Variants in MTOR observed in about 807,000 individuals in gnomAD.
MTOR encodes serine/threonine-protein kinase mTOR.
Under a neutral mutation model 319.8 loss-of-function variants are expected in MTOR, and 70 were observed. The observed-to-expected ratio is 0.22, with a 90% confidence interval of 0.18 to 0.27. The LOEUF is 0.27. Among genes scored for constraint, MTOR ranks in the 10% least tolerant of loss-of-function variants. The pLI is 1.00. For synonymous variants in MTOR, 1,183 were observed against 1,211.4 expected (o/e 0.98, Z 0.49); for missense variants, 1,890 against 3,274.4 (o/e 0.58, Z 10.32).
chr1:11,168,196 T>C (rs1471880428), intron 28 of MTOR, among the ~76,000 whole-genome samples: 1 of 151,616 alleles, frequency 6.6e-6, no homozygotes, highest in Admixed American at 6.6e-5. Context: ...CACAATCATA[T>C]GAGACTCCTC....
At position 11,199,421 on chromosome 1, in the gene MTOR, C is replaced by A. The variant is rs2100744601; in HGVS notation, c.4108-18G>T. ...AGGGGGCCCTGGAGAAGAGCAAAAC[C>A]TCACAGCACAGGAAAATGGCAGATG... On this transcript the variant is annotated intron_variant, in intron 27 of 57. Transcript: ENST00000361445. The surrounding 1 kb of genome is among the most constrained non-coding windows in gnomAD (Gnocchi z 4.5). 1 of 1,614,146 alleles carries A rather than the reference C, an allele frequency of 6.2e-7. No individual in the cohort carries two copies. Among genetic ancestry groups the A allele is most frequent in the Non-Finnish European group, 8.5e-7 (1 of 1,180,022 alleles).
Position 11,243,352 on chromosome 1 carries a change from C to T in MTOR, c.1226-52G>A, listed in dbSNP as rs367849681. 5.9e-6 allele frequency: 9 copies of T among 1,534,398 alleles called. No homozygotes were observed. The East Asian group carries it at 1.1e-4, about 19-fold the overall frequency. On this transcript the variant is annotated intron_variant, in intron 8 of 57. Transcript: ENST00000361445. ...AGCTCCAGGTCAGGGTTAGGGTCTA[C>T]ATATCAACAGTCAAAGGTCCTATAA... is the stretch of plus-strand genomic sequence containing the variant.
intron 36 of MTOR, among the ~76,000 whole-genome samples, chr1:11,137,935 C>A (rs184089395): frequency 6.6e-6 from 1 of 152,322 alleles, no homozygotes; most frequent in East Asian, 1.9e-4. Flanking sequence ...ATTAAGTAGT[C>A]AGTTTTCCTT....
chr1:11,108,324 T>C (rs766674150), intron 56 of MTOR, 38 bp from the exon 57 acceptor site: 11 of 1,481,838 alleles, frequency 7.4e-6, no homozygotes, highest in Non-Finnish European at 9.4e-6. Context: ...ACTCTCTTCC[T>C]GGCAATCGAT....
At chr1:11,177,748 G>GTTAA (rs1645033781) in intron 28 of MTOR, among the ~76,000 whole-genome samples, 1 of 152,126 alleles carries the variant, frequency 6.6e-6, no homozygotes, top group Non-Finnish European at 1.5e-5. Context: ...AGGGTAGAAT[G>GTTAA]TTAACAGTTT....
At chr1:11,114,776 C>T (rs776375433) in intron 52 of MTOR, 37 bp downstream of exon 52, 5 of 1,593,696 alleles carry the variant, frequency 3.1e-6, no homozygotes, top group Non-Finnish European at 4.3e-6. Flanking sequence ...CTGTCCTGAT[C>T]CCATTTGGAA....
At position 11,129,752 on chromosome 1, in the gene MTOR, G is replaced by C. The variant is rs1643023112; in HGVS notation, c.5700C>G (p.Leu1900=). The change falls in exon 40 of 58, where the codon CTC becomes CTG. Residue 1900 remains leucine, a synonymous_variant. Coordinates refer to ENST00000361445, the MANE Select transcript of MTOR (RefSeq NM_004958.4). This position sits in a 1 kb window ranked among gnomAD's most constrained non-coding sequence, Gnocchi z 4.7. ...TTCTCTGATACCTGAGTGTATCCTG[G>C]AGGTTGTTGCCTCGTGACAAGGAGA... ...RSISLSRGNN[L]QDTLRVLTLW... 1 of 1,613,988 alleles carries C rather than the reference G, an allele frequency of 6.2e-7. No individual in the cohort carries two copies. Among genetic ancestry groups the C allele is most frequent in the South Asian group, 1.1e-5 (1 of 91,078 alleles).
intron 25 of MTOR, among the ~76,000 whole-genome samples, chr1:11,207,914 A>G (rs1048954250): frequency 2.6e-5 from 4 of 152,174 alleles, no homozygotes; most frequent in African/African-American, 9.7e-5. Flanking sequence ...TCTTTTGTCT[A>G]TCTGGCAAGG....
At chr1:11,223,990 G>A (rs1282748190) in intron 19 of MTOR, among the ~76,000 whole-genome samples, 3 of 150,348 alleles carry the variant, frequency 2.0e-5, no homozygotes, top group East Asian at 3.9e-4. Context: ...AGTGAGCCGA[G>A]ATCACACCAT....
intron 54 of MTOR, chr1:11,111,222 T>C (rs1641847868): frequency 2.2e-6 from 1 of 452,620 alleles, no homozygotes; most frequent in African/African-American, 2.0e-5. Context: ...CTCATGCCTG[T>C]AATCCCAGCA....
chr1:11,190,368 C>T (rs1645479988), intron 28 of MTOR, among the ~76,000 whole-genome samples: 1 of 152,192 alleles, frequency 6.6e-6, no homozygotes, highest in African/African-American at 2.4e-5. Flanking sequence ...TTGCCAGAAA[C>T]AGTTCTCTGG....
chr1:11,248,953 C>T (rs1299977180), intron 6 of MTOR, among the ~76,000 whole-genome samples: 1 of 151,624 alleles, frequency 6.6e-6, no homozygotes, highest in Non-Finnish European at 1.5e-5. Flanking sequence ...GAGTCAGGCG[C>T]AAGGGCTCAC....
rs1450225670 is a variant in MTOR at position 11,253,973 on chromosome 1, G to A, written c.706C>T (p.His236Tyr). ...CCCTTCTCTGCTTCTTCAAATGTGT[G>A]CTATGTAGAGAGACAGGGTGCCTTC... ...KEMQKPQWYR[H>Y]TFEEAEKGFD... The change falls in exon 6 of 58, where the codon CAC becomes TAC. Residue 236 changes from histidine (H) to tyrosine (Y), a missense_variant and splice_region_variant. His to Tyr is a moderately conservative substitution (Grantham distance 83). This residue lies in a region of MTOR where 418 missense variants were observed against 543.1 expected (regional missense o/e 0.77). Transcript: ENST00000361445. 12 of 1,614,096 alleles carry A rather than the reference G, an allele frequency of 7.4e-6. No individual in the cohort carries two copies. The highest frequency in any genetic ancestry group is 1.0e-5 in the Non-Finnish European group (12 of 1,180,014).
chr1:11,155,297 G>A lies in MTOR; in HGVS notation c.4469+1855C>T, dbSNP rs191820073. On this transcript the variant is annotated intron_variant, in intron 30 of 57. Coordinates refer to ENST00000361445, the MANE Select transcript of MTOR (RefSeq NM_004958.4). ...ACTTGTTAAGTGAAAACAGCAGAGTGCAAAATGGTAAAAACAGCACATTGC... is the reference window on the plus strand; with the variant it reads ...ACTTGTTAAGTGAAAACAGCAGAGTACAAAATGGTAAAAACAGCACATTGC... 2.0e-5 allele frequency among the ~76,000 whole-genome samples: 3 copies of A among 152,224 alleles called. No homozygotes were observed. The East Asian group carries it at 5.8e-4, about 29-fold the overall frequency.
chr1:11,107,230 G>C lies in MTOR; in HGVS notation c.*255C>G. ...GATCTTCTGTTCCCCAAAATGAATG[G>C]CTTGATTTACGTGGTATTACTATGT... On this transcript the variant is annotated 3_prime_UTR_variant, in exon 58 of 58. Transcript: ENST00000361445. 1.4e-6 allele frequency: 2 copies of C among 1,413,738 alleles called. No individual in the cohort carries two copies. The highest frequency in any genetic ancestry group is 1.9e-6 in the Non-Finnish European group (2 of 1,075,614). 87.6% of individuals were successfully genotyped at this position (1,413,738 alleles called of 1,614,324 possible). A position where few individuals can be genotyped will look rare whatever the true frequency, so the allele number is the denominator to read the frequency against.
At chr1:11,210,977 T>C in intron 23 of MTOR, 71 bp from the exon 24 acceptor site, 3 of 881,436 alleles carry the variant, frequency 3.4e-6, no homozygotes, top group Non-Finnish European at 5.6e-6. Context: ...GGAAAAAATA[T>C]TATACAACTA....
chr1:11,214,380 T>G (rs1646403970), intron 20 of MTOR, among the ~76,000 whole-genome samples: 1 of 152,236 alleles, frequency 6.6e-6, no homozygotes. Flanking sequence ...CCTGCCTCAG[T>G]GCTGCAAAGC....
intron 28 of MTOR, chr1:11,189,716 G>A (rs1171779703): frequency 2.5e-6 from 4 of 1,614,188 alleles, no homozygotes; most frequent in South Asian, 2.2e-5. Context: ...GCCAACTGCT[G>A]TGAGGAGGTG....
At chr1:11,233,310 TA>T (rs113278628) in intron 15 of MTOR, 87 bp downstream of exon 15, 34,948 of 919,136 alleles carry the variant, frequency 0.038, no homozygotes, top group South Asian at 0.055. Flanking sequence ...ACCTTTCATT[TA>T]AAAAAAAAAA....
Sources: gnomAD v4.1 joint callset for allele counts (sites outside exome capture counted in the v4.1 genomes callset) on GRCh38, gnomAD v4.1.1 for gene constraint, gnomAD v4.1.1 regional missense constraint, Gnocchi (gnomAD v3.1) non-coding constraint, MANE v1.5 for transcripts, NCBI Gene and HGNC (gene_info 2026-07-23, HGNC 2026-07-21) for gene names.